Variants in USH2A observed in about 807,000 individuals in gnomAD.
USH2A encodes the protein usherin.
USH2A carries 443 observed loss-of-function variants against 538.9 expected under a neutral mutation model. That is an observed-to-expected ratio of 0.82 (90% CI 0.76 to 0.89). The LOEUF (loss-of-function observed/expected upper bound fraction) is 0.89. Among genes scored for constraint, USH2A ranks in the 40% least tolerant of loss-of-function variants. USH2A has a pLI of 0.00. For missense variants in USH2A, 6,633 were observed against 6,324.8 expected, an observed-to-expected ratio of 1.05 and a Z score of -1.65; for synonymous variants, 2,413 against 2,273.5, an observed-to-expected ratio of 1.06 and a Z score of -1.75.
chr1:215,664,738 G>T (rs1657550183), intron 64 of USH2A, among the ~76,000 whole-genome samples: 1 of 152,124 alleles, frequency 6.6e-6, no homozygotes, highest in South Asian at 2.1e-4. Context: ...GTTGCATAGG[G>T]TGGAGCCCTC....
intron 21 of USH2A, among the ~76,000 whole-genome samples, chr1:216,139,481 C>A (rs967944920): frequency 2.0e-5 from 3 of 151,670 alleles, no homozygotes; most frequent in Non-Finnish European, 4.4e-5. Context: ...GACTATATGG[C>A]TGTGTATTGC....
rs774417147 is a variant in USH2A, at chr1:215,758,573, C to T, written c.11389+22G>A. Reference sequence around the variant, plus strand: ...TTTAAAATGTTTACACACACACACACATACTTCTTTTTTTTTTTTACCTGG... The same window carrying T: ...TTTAAAATGTTTACACACACACACATATACTTCTTTTTTTTTTTTACCTGG... On this transcript the variant is annotated intron_variant, in intron 58 of 71. Coordinates refer to ENST00000307340, the MANE Select transcript of USH2A (RefSeq NM_206933.4). 5.6e-6 allele frequency: 9 copies of T among 1,603,202 alleles called. No individual in the cohort carries two copies. In the African/African-American group the frequency reaches 1.1e-4, roughly 19 times the overall value.
chr1:216,156,251 T>A (rs561997204), intron 21 of USH2A, among the ~76,000 whole-genome samples: 3 of 151,538 alleles, frequency 2.0e-5, no homozygotes, highest in Non-Finnish European at 4.4e-5. Context: ...CTGGACTCCT[T>A]TACTTTCCTT....
chr1:216,418,831 T>C (rs2039624856), intron 2 of USH2A, 152 bp from the exon 3 acceptor site: 1 of 734,134 alleles, frequency 1.4e-6, no homozygotes, highest in African/African-American at 1.8e-5. Context: ...TTATATTCAA[T>C]GAAAGCTTTA....
intron 34 of USH2A, among the ~76,000 whole-genome samples, chr1:215,993,570 C>G (rs770212211): frequency 6.7e-6 from 1 of 149,266 alleles, no homozygotes; most frequent in Non-Finnish European, 1.5e-5. Flanking sequence ...AAGTAAAGTA[C>G]TAGAGGATGA....
chr1:215,923,064 A>T (rs1666141391), intron 38 of USH2A, among the ~76,000 whole-genome samples: 1 of 152,098 alleles, frequency 6.6e-6, no homozygotes, highest in Non-Finnish European at 1.5e-5. Context: ...GCCCAAGCAA[A>T]AGCCAAACAC....
At chr1:215,845,759 C>G in intron 45 of USH2A, 65 bp downstream of exon 45, 1 of 1,551,726 alleles carries the variant, frequency 6.4e-7, no homozygotes, top group South Asian at 1.1e-5. Context: ...GATCTCAACC[C>G]CGGCAAGAAT....
chr1:215,888,782 C>G lies in USH2A; in HGVS notation c.7867G>C (p.Ala2623Pro). The G allele has an allele frequency of 6.2e-7, 1 of 1,614,058 alleles. No homozygotes were observed. The highest frequency in any genetic ancestry group is 8.5e-7 in the Non-Finnish European group (1 of 1,179,994). The part of the protein sequence containing the change: ...ESQTVWTLPG[A>P]PEGIPSPELF... ...TCTGGACTTGGGATCCCTTCCGGTG[C>G]CCCTGGGAGTGTCCATACAGTCTGG... The change falls in exon 41 of 72, where the codon GCA becomes CCA. Residue 2623 changes from alanine (A) to proline (P), a missense_variant. Physicochemically the swap from Ala to Pro is conservative, Grantham distance 27. Transcript: ENST00000307340.
At chr1:215,846,069 C>G (rs766952338) in intron 44 of USH2A, 36 bp from the exon 45 acceptor site, 1 of 1,601,048 alleles carries the variant, frequency 6.2e-7, no homozygotes, top group East Asian at 2.2e-5. Context: ...GTGAATGTAG[C>G]TGAGGCTTTC....
rs1467148759 is a variant in USH2A at position 216,013,727 on chromosome 1, C to A, written c.6326-13165G>T. On this transcript the variant is annotated intron_variant, in intron 32 of 71. Coordinates refer to ENST00000307340, the MANE Select transcript of USH2A (RefSeq NM_206933.4). ...TTGACTGTAATTTTCCTTTACCTAC[C>A]CAAATCCTATAAAACAGCCCCACCC... is the stretch of plus-strand genomic sequence containing the variant. Among the ~76,000 whole-genome samples the A allele has an allele frequency of 2.6e-5, 4 of 151,908 alleles. No homozygotes were observed. The East Asian group carries it at 5.8e-4, about 22-fold the overall frequency.
chr1:215,670,497 GA>G (rs1164298847), intron 64 of USH2A, among the ~76,000 whole-genome samples: 1 of 152,160 alleles, frequency 6.6e-6, no homozygotes, highest in Non-Finnish European at 1.5e-5. Flanking sequence ...CATCCTCAGA[GA>G]AAACTTAACT....
At chr1:216,291,056 T>A (rs1158760075) in intron 10 of USH2A, among the ~76,000 whole-genome samples, 1 of 152,168 alleles carries the variant, frequency 6.6e-6, no homozygotes, top group African/African-American at 2.4e-5. Context: ...CTCCAATCCA[T>A]TTTTTACTTT....
At chr1:215,848,560 C>T (rs569542790) in intron 44 of USH2A, among the ~76,000 whole-genome samples, 75 of 152,260 alleles carry the variant, frequency 4.9e-4, no homozygotes, top group Middle Eastern at 6.8e-3. Context: ...GTATGCCAGT[C>T]CCTCTGAAAC....
intron 11 of USH2A, among the ~76,000 whole-genome samples, chr1:216,256,167 G>A (rs1341449187): frequency 6.6e-6 from 1 of 151,790 alleles, no homozygotes; most frequent in East Asian, 1.9e-4. Flanking sequence ...TAGTTAAGTT[G>A]TACTTTTTCC....
chr1:216,003,478 A>T (rs1054880613), intron 32 of USH2A, among the ~76,000 whole-genome samples: 2 of 152,086 alleles, frequency 1.3e-5, no homozygotes, highest in Non-Finnish European at 2.9e-5. Context: ...CAGAGGCCTC[A>T]TTGGGAAGGT....
intron 29 of USH2A, 40 bp downstream of exon 29, chr1:216,072,849 G>A (rs1431459580): frequency 1.4e-6 from 2 of 1,425,028 alleles, no homozygotes; most frequent in South Asian, 2.3e-5. Flanking sequence ...ATACATGCAT[G>A]TGTGTGTGTG....
intron 32 of USH2A, among the ~76,000 whole-genome samples, chr1:216,022,162 C>T (rs972093031): frequency 1.7e-4 from 26 of 152,212 alleles, no homozygotes; most frequent in Admixed American, 6.5e-5. Context: ...CCTCCAGAAC[C>T]GTGAGCCAAT....
chr1:215,922,365 C>A (rs186758512), intron 38 of USH2A, among the ~76,000 whole-genome samples: 1 of 152,170 alleles, frequency 6.6e-6, no homozygotes, highest in Non-Finnish European at 1.5e-5. Context: ...GTATCTGTTC[C>A]TGGCCCATTC....
At chr1:216,219,361 T>C (rs991903939) in intron 14 of USH2A, among the ~76,000 whole-genome samples, 3 of 152,208 alleles carry the variant, frequency 2.0e-5, no homozygotes, top group African/African-American at 7.2e-5. Flanking sequence ...AATTGTAGTT[T>C]GTTTTTACCC....
Sources: allele counts gnomAD v4.1 joint callset (sites outside exome capture counted in the v4.1 genomes callset), GRCh38; gene constraint gnomAD v4.1.1; transcripts MANE v1.5; gene names NCBI Gene and HGNC (gene_info 2026-07-23, HGNC 2026-07-21).